The following OTOA variants were observed in gnomAD, a reference collection of about 807,000 sequenced individuals.
OTOA encodes the protein cancer/testis antigen 108.
Under a neutral mutation model 110.8 loss-of-function variants are expected in OTOA, and 70 were observed. The ratio of observed to expected loss-of-function variants is 0.63; its 90% CI spans 0.52 to 0.77. The LOEUF is 0.77. OTOA is among the 30% of genes least tolerant of loss of function. The probability of loss-of-function intolerance (pLI) is 0.00; values close to 1 mark genes in which losing one functional copy is unlikely to be tolerated. For synonymous variants in OTOA, 373 were observed against 431.5 expected, an observed-to-expected ratio of 0.86 and a Z score of 1.68; for missense variants, 917 against 1,075.8, an observed-to-expected ratio of 0.85 and a Z score of 2.06.
At chr16:21,755,500 G>A (rs1221793237) in intron 27 of OTOA, among the ~76,000 whole-genome samples, 3 of 108,562 alleles carry the variant, frequency 2.8e-5, no homozygotes, top group Non-Finnish European at 4.0e-5. Context: ...GTAGTGAGAG[G>A]AGAGGAGGTG....
chr16:21,723,270 A>AGG (rs761998948), intron 18 of OTOA, among the ~76,000 whole-genome samples: 99 of 152,278 alleles, frequency 6.5e-4, no homozygotes, highest in Admixed American at 1.3e-3. Context: ...CGGCTGTGCC[A>AGG]GGCTCCAGGG....
chr16:21,704,916 G>T, intron 11 of OTOA: 1 of 781,318 alleles, frequency 1.3e-6, no homozygotes, highest in South Asian at 1.3e-5. Context: ...GACTCATTCT[G>T]ATTGGATCGT....
chr16:21,744,103 A>G lies in OTOA; in HGVS notation c.2620-778A>G, dbSNP rs567601571. Among the ~76,000 whole-genome samples, 21 of 139,468 alleles carry G rather than the reference A, an allele frequency of 1.5e-4. 3 individuals are homozygous for G. The highest frequency in any genetic ancestry group is 9.4e-4 in the Admixed American group (13 of 13,878). 91.5% of individuals were successfully genotyped at this position (139,468 alleles called of 152,430 possible). On this transcript the variant is annotated intron_variant, in intron 23 of 28. Coordinates refer to ENST00000646100, the MANE Select transcript of OTOA (RefSeq NM_144672.4). ...ACAATTTTCAACCATTCAACACATT[A>G]TTATCAACTGTGGTCACCATGCTGC...
At position 21,685,317 on chromosome 16, in the gene OTOA, C is replaced by T. The variant is rs777388246; in HGVS notation, c.355C>T (p.Arg119Cys). The T allele has an allele frequency of 1.7e-5, 28 of 1,613,020 alleles. No individual in the cohort carries two copies. The highest frequency in any genetic ancestry group is 8.3e-5 in the Admixed American group (5 of 59,954). ...GAGGAAGACAGACGCCCAGCAGTTCCGCACTGCCATGAAATGCCTCTTAGA... is the reference window on the plus strand; with the variant it reads ...GAGGAAGACAGACGCCCAGCAGTTCTGCACTGCCATGAAATGCCTCTTAGA... ...DLRKTDAQQF[R>C]TAMKCLLEDK... is the part of the protein sequence containing the mutation. Residue 119 changes from arginine to cysteine, a missense_variant, in exon 7 of 29, where the codon CGC (arginine) becomes TGC (cysteine). Physicochemically the swap from Arg to Cys is radical, Grantham distance 180. Transcript: ENST00000646100.
intron 9 of OTOA, 43 bp downstream of exon 9, chr16:21,691,730 A>G: frequency 6.7e-7 from 1 of 1,501,300 alleles, no homozygotes; most frequent in Non-Finnish European, 9.3e-7. Flanking sequence ...TGGGGGAAGA[A>G]TATCTTCAGA....
At chr16:21,677,403 T>C (rs973780113) in intron 1 of OTOA, among the ~76,000 whole-genome samples, 6 of 152,176 alleles carry the variant, frequency 3.9e-5, no homozygotes, top group African/African-American at 1.4e-4. Context: ...TGCTAGTTCT[T>C]GTTAGCTAAT....
rs1474475517 is a variant in OTOA, at chr16:21,678,497, T to TAAATTAACAATA, written c.-4-6_-4-5insAATAAAATTAAC. The TAAATTAACAATA allele has an allele frequency of 1.3e-6, 2 of 1,593,212 alleles. No individual in the cohort carries two copies. The highest frequency in any genetic ancestry group is 1.7e-6 in the Non-Finnish European group (2 of 1,162,054). On this transcript the variant is annotated splice_polypyrimidine_tract_variant and intron_variant, in intron 1 of 28. Coordinates refer to ENST00000646100, the MANE Select transcript of OTOA (RefSeq NM_144672.4). The stretch of plus-strand genomic sequence containing the variant: ...AAAAAACATGAATCACTTCTATGCT[T>TAAATTAACAATA]AAATTAACTACAGGAGAATGTCTCA...
Position 21,715,305 on chromosome 16 carries a change from C to A in OTOA, c.1488+153C>A, listed in dbSNP as rs185587966. On this transcript the variant is annotated intron_variant, in intron 14 of 28. Transcript: ENST00000646100. ...GGCTCTGCCTTCTCCTGGTGGCACA[C>A]CTTCCTTCCTTTCCAGACGGAGCCC... 8.5e-5 allele frequency among the ~76,000 whole-genome samples: 13 copies of A among 152,294 alleles called. No individual in the cohort carries two copies. In the East Asian group the frequency reaches 2.3e-3, roughly 27 times the overall value.
intron 9 of OTOA, among the ~76,000 whole-genome samples, chr16:21,696,313 G>A (rs1780771334): frequency 6.6e-6 from 1 of 152,094 alleles, no homozygotes; most frequent in Non-Finnish European, 1.5e-5. Flanking sequence ...TTCTCGTGAA[G>A]GAGATAAGAG....
At chr16:21,665,282 A>G (rs1210946495) in intron 1 of OTOA, among the ~76,000 whole-genome samples, 2 of 152,194 alleles carry the variant, frequency 1.3e-5, no homozygotes, top group African/African-American at 2.4e-5. Flanking sequence ...CTGGCTGTGC[A>G]TGCATAGCTG....
At chr16:21,707,358 G>A (rs916902156) in intron 12 of OTOA, among the ~76,000 whole-genome samples, 8 of 152,148 alleles carry the variant, frequency 5.3e-5, no homozygotes, top group South Asian at 2.1e-4. Context: ...AAACTGGAGG[G>A]TGCATCTAAA....
chr16:21,707,467 T>A (rs1337533404), intron 12 of OTOA, among the ~76,000 whole-genome samples: 2 of 151,932 alleles, frequency 1.3e-5, no homozygotes, highest in East Asian at 3.9e-4. Flanking sequence ...GAAGACAATT[T>A]TTTTCCGTGG....
chr16:21,707,309 C>T (rs78821331), intron 12 of OTOA, among the ~76,000 whole-genome samples: 3,887 of 151,966 alleles, frequency 0.026, 133 homozygotes, highest in African/African-American at 0.063. Flanking sequence ...CAATTAGATA[C>T]GAGGGAGCCC....
chr16:21,666,879 A>G (rs1966841132), intron 1 of OTOA, among the ~76,000 whole-genome samples: 1 of 152,184 alleles, frequency 6.6e-6, no homozygotes, highest in South Asian at 2.1e-4. Context: ...GAAAAAGGAC[A>G]TTATGCACAG....
At position 21,700,874 on chromosome 16, in the gene OTOA, T is replaced by C. The variant is rs180746764; in HGVS notation, c.841-14T>C. 6.2e-7 allele frequency: 1 copy of C among 1,613,932 alleles called. No homozygotes were observed. Among genetic ancestry groups the C allele is most frequent in the East Asian group, 2.2e-5 (1 of 44,894 alleles). On this transcript the variant is annotated splice_polypyrimidine_tract_variant and intron_variant, in intron 10 of 28. Transcript: ENST00000646100. Reference sequence around the variant, plus strand: ...CCCTCCTCACTGATATTCTCGTCCTTGTCCACCAACTAGATTGGGCTGTTT... The same window carrying C: ...CCCTCCTCACTGATATTCTCGTCCTCGTCCACCAACTAGATTGGGCTGTTT...
intron 1 of OTOA, among the ~76,000 whole-genome samples, chr16:21,673,349 A>G (rs539999284): frequency 1.3e-5 from 2 of 152,162 alleles, no homozygotes; most frequent in South Asian, 4.2e-4. Context: ...TTGTGTGTAT[A>G]TTTTATATCG....
chr16:21,680,495 C>G (rs1349792487), intron 5 of OTOA, among the ~76,000 whole-genome samples: 2 of 151,900 alleles, frequency 1.3e-5, no homozygotes, highest in African/African-American at 4.8e-5. Flanking sequence ...GCCTGGGCAA[C>G]AGAGTGAGAC....
At chr16:21,735,974 G>T (rs1245787601) in intron 21 of OTOA, among the ~76,000 whole-genome samples, 1 of 152,168 alleles carries the variant, frequency 6.6e-6, no homozygotes, top group African/African-American at 2.4e-5. Flanking sequence ...AAATGAATGT[G>T]CCCAGCATTA....
At chr16:21,664,488 A>G (rs1165450262) in intron 1 of OTOA, among the ~76,000 whole-genome samples, 1 of 152,200 alleles carries the variant, frequency 6.6e-6, no homozygotes, top group South Asian at 2.1e-4. Context: ...ATATAATAAC[A>G]GCGATGACAA....
Sources: allele counts gnomAD v4.1 joint callset (sites outside exome capture counted in the v4.1 genomes callset), GRCh38; gene constraint gnomAD v4.1.1; transcripts MANE v1.5; gene names NCBI Gene and HGNC (gene_info 2026-07-23, HGNC 2026-07-21).